NXPE1: variants seen among roughly 807,000 people sequenced by gnomAD.
The protein encoded by NXPE1 is neurexophilin and PC-esterase domain family member 1.
NXPE1 carries 31 observed loss-of-function variants against 33.3 expected under a neutral mutation model. The ratio of observed to expected loss-of-function variants is 0.93; its 90% CI spans 0.70 to 1.26. The LOEUF is 1.26. Ranked by LOEUF, NXPE1 falls within the 50% of genes most tolerant of loss-of-function variation. NXPE1 has a pLI of 0.00. For synonymous variants in NXPE1, 229 were observed against 231.4 expected (o/e 0.99, Z 0.09); for missense variants, 661 against 655.6 (o/e 1.01, Z -0.09).
intron 7 of NXPE1, among the ~76,000 whole-genome samples, chr11:114,525,770 G>T (rs568530373): frequency 6.6e-6 from 1 of 152,156 alleles, no homozygotes; most frequent in East Asian, 1.9e-4. Flanking sequence ...GCACCATTTA[G>T]TGAAGTGTAT....
In NXPE1 at chr11:114,554,460, T is replaced by C; in HGVS notation, c.-210-1580A>G. The C allele has an allele frequency of 6.2e-6, 5 of 803,784 alleles. No individual in the cohort carries two copies. The South Asian group carries it at 2.8e-4, about 46-fold the overall frequency. 49.8% of individuals were successfully genotyped at this position (803,784 alleles called of 1,614,324 possible). A position where few individuals can be genotyped will look rare whatever the true frequency, so the allele number is the denominator to read the frequency against. ...ATGGGCCCTTTGATAATCAGTCCTA[T>C]GACCTCTTTTCCAAATACATAAAAT... On this transcript the variant is annotated intron_variant, in intron 1 of 8. Transcript: ENST00000534921.
In NXPE1 at chr11:114,530,151, A is replaced by C. The variant is rs781601508; in HGVS notation, c.833+24T>G. ...GGGCACTTCTCAGGGGACACTTCTCAGTATACATGAAAAGTATACTCACCT... is the reference window on the plus strand; with the variant it reads ...GGGCACTTCTCAGGGGACACTTCTCCGTATACATGAAAAGTATACTCACCT... On this transcript the variant is annotated intron_variant, in intron 6 of 8. Coordinates refer to ENST00000534921, the Ensembl canonical transcript of NXPE1. The C allele has an allele frequency of 3.8e-6, 6 of 1,566,602 alleles. No individual in the cohort carries two copies. In the East Asian group the frequency reaches 1.1e-4, roughly 29 times the overall value.
chr11:114,550,153 T>C (rs1182271429), intron 5 of NXPE1, among the ~76,000 whole-genome samples: 1 of 152,272 alleles, frequency 6.6e-6, no homozygotes, highest in African/African-American at 2.4e-5. Flanking sequence ...GGTTAACTTA[T>C]ACATTTAATA....
At chr11:114,530,099 T>G (rs1947522980) in intron 6 of NXPE1, 76 bp downstream of exon 6, 2 of 1,422,714 alleles carry the variant, frequency 1.4e-6, no homozygotes, top group African/African-American at 2.9e-5. Context: ...ATGCTCAATG[T>G]TGCAATGGGC....
exon 6 of NXPE1, chr11:114,530,482 C>T: frequency 1.2e-6 from 2 of 1,614,186 alleles, no homozygotes; most frequent in Non-Finnish European, 1.7e-6. Flanking sequence ...GACAGGGAGA[C>T]CTGGCCCTCC....
At chr11:114,534,857 G>T in intron 5 of NXPE1, among the ~76,000 whole-genome samples, 1 of 152,212 alleles carries the variant, frequency 6.6e-6, no homozygotes, top group Non-Finnish European at 1.5e-5. Flanking sequence ...AAAACACTCT[G>T]CAGGATATTA....
chr11:114,527,943 C>T (rs1947431364), intron 6 of NXPE1, 42 bp from the exon 7 acceptor site: 1 of 1,459,290 alleles, frequency 6.9e-7, no homozygotes, highest in Non-Finnish European at 9.5e-7. Context: ...CTGCTCTCTG[C>T]CCATGTAACA....
intron 5 of NXPE1, among the ~76,000 whole-genome samples, chr11:114,537,709 G>T (rs1343237626): frequency 1.3e-5 from 2 of 151,972 alleles, no homozygotes; most frequent in Non-Finnish European, 2.9e-5. Flanking sequence ...AAATACCTAG[G>T]AATCCAACTT....
chr11:114,536,470 CA>C (rs1220153816), intron 5 of NXPE1, among the ~76,000 whole-genome samples: 3 of 151,918 alleles, frequency 2.0e-5, no homozygotes, highest in African/African-American at 4.8e-5. Context: ...AAAAACCCTT[CA>C]AAAAAATCAA....
At chr11:114,540,267 T>C (rs999940561) in intron 5 of NXPE1, among the ~76,000 whole-genome samples, 1 of 152,188 alleles carries the variant, frequency 6.6e-6, no homozygotes, top group Admixed American at 6.5e-5. Flanking sequence ...ATAAATCCAA[T>C]TTGTTTAGGA....
At chr11:114,556,233 C>T (rs1451776182) in intron 1 of NXPE1, among the ~76,000 whole-genome samples, 2 of 152,168 alleles carry the variant, frequency 1.3e-5, no homozygotes, top group African/African-American at 4.8e-5. Context: ...TAAGGTGGGT[C>T]TTGAAAAGCC....
At chr11:114,539,419 A>G (rs1036166217) in intron 5 of NXPE1, among the ~76,000 whole-genome samples, 1 of 143,278 alleles carries the variant, frequency 7.0e-6, no homozygotes, top group South Asian at 2.2e-4. Context: ...TGTACCCTAA[A>G]ACTTAAAGTA....
chr11:114,530,816 C>A (rs1237335323), exon 6 of NXPE1: 3 of 1,614,138 alleles, frequency 1.9e-6, no homozygotes, highest in Admixed American at 1.7e-5. Context: ...CTGTTAGTGG[C>A]TTTAATGGTA....
chr11:114,527,873 CCTT>C, exon 7 of NXPE1: 1 of 1,606,342 alleles, frequency 6.2e-7, no homozygotes, highest in Middle Eastern at 1.7e-4. Context: ...TGTTTACGAT[CCTT>C]CATCATTTCA....
chr11:114,527,225 A>G (rs549398056), intron 7 of NXPE1: 1 of 152,426 alleles, frequency 6.6e-6, no homozygotes, highest in East Asian at 1.9e-4. Flanking sequence ...CACATTACCC[A>G]TATGATGTGA....
chr11:114,539,745 A>G (rs111357583), intron 5 of NXPE1, among the ~76,000 whole-genome samples: 2,065 of 152,304 alleles, frequency 0.014, 36 homozygotes, highest in African/African-American at 0.046. Flanking sequence ...GAAATAAAAT[A>G]TAATTGTAAA....
chr11:114,546,503 T>C (rs1948289607), intron 5 of NXPE1, among the ~76,000 whole-genome samples: 1 of 151,562 alleles, frequency 6.6e-6, no homozygotes, highest in South Asian at 2.1e-4. Flanking sequence ...GGTTTTGCTA[T>C]GTTGACCAGA....
At chr11:114,533,230 A>T (rs1261603700) in intron 5 of NXPE1, among the ~76,000 whole-genome samples, 1 of 152,238 alleles carries the variant, frequency 6.6e-6, no homozygotes, top group Admixed American at 6.5e-5. Flanking sequence ...TAGTATTAAG[A>T]TAGCAAGAAG....
chr11:114,548,759 CAG>C (rs1165214966), intron 5 of NXPE1, among the ~76,000 whole-genome samples: 2 of 150,974 alleles, frequency 1.3e-5, no homozygotes, highest in African/African-American at 2.4e-5. Context: ...AAAAGGAAAA[CAG>C]AGTAAATCAA....
Sources: allele counts gnomAD v4.1 joint callset (sites outside exome capture counted in the v4.1 genomes callset), GRCh38; gene constraint gnomAD v4.1.1; transcripts MANE v1.5; gene names NCBI Gene and HGNC (gene_info 2026-07-23, HGNC 2026-07-21).